The following SLC15A4 variants were observed in gnomAD, a reference collection of about 807,000 sequenced individuals.
The protein encoded by SLC15A4 is hPHT1.
In SLC15A4, 26 loss-of-function variants were observed where a neutral mutation model predicts 46.1. That is an observed-to-expected ratio of 0.56 (90% CI 0.41 to 0.78). The LOEUF (loss-of-function observed/expected upper bound fraction) is 0.78. Ranked by LOEUF, SLC15A4 falls within the 30% of genes least tolerant of loss-of-function variation. The probability of loss-of-function intolerance (pLI) is 0.00; values close to 1 mark genes in which losing one functional copy is unlikely to be tolerated. For missense variants in SLC15A4, 751 were observed against 755.7 expected (o/e 0.99, Z 0.07); for synonymous variants, 370 against 333.4 (o/e 1.11, Z -1.20).
intron 1 of SLC15A4, among the ~76,000 whole-genome samples, chr12:128,816,915 A>G (rs531364325): frequency 6.6e-6 from 1 of 152,362 alleles, no homozygotes; most frequent in Non-Finnish European, 1.5e-5. Context: ...CTATTTTTTA[A>G]AGATTAAATC....
intron 7 of SLC15A4, among the ~76,000 whole-genome samples, chr12:128,798,393 G>C (rs1360358486): frequency 1.3e-5 from 2 of 152,168 alleles, no homozygotes; most frequent in African/African-American, 4.8e-5. Flanking sequence ...AGTGTCCATG[G>C]GACATTGGTG....
In SLC15A4 at chr12:128,800,704, T is replaced by C. The variant is rs572817721; in HGVS notation, c.1414+150A>G. 243 of 705,808 alleles carry C rather than the reference T, an allele frequency of 3.4e-4. No homozygotes were observed. In the African/African-American group the frequency reaches 4.0e-3, roughly 12 times the overall value. The allele number at this position is 705,808 out of a possible 1,614,324, so 43.7% of individuals were successfully genotyped here. On this transcript the variant is annotated intron_variant, in intron 6 of 7. Transcript: ENST00000266771. ...GAACCTCAGCACTGGTGTGTTTACC[T>C]AGCGATTCATATTCTAAACCACACA...
chr12:128,799,462 T>G, intron 6 of SLC15A4, 45 bp from the exon 7 acceptor site: 1 of 1,606,296 alleles, frequency 6.2e-7, no homozygotes, highest in Non-Finnish European at 8.5e-7. Flanking sequence ...AGGGGCACTT[T>G]AACACATGGG....
intron 6 of SLC15A4, 74 bp downstream of exon 6, chr12:128,800,780 A>G: frequency 6.8e-7 from 1 of 1,469,050 alleles, no homozygotes; most frequent in South Asian, 1.3e-5. Context: ...ACATATTCCA[A>G]CAGCACAGTC....
intron 1 of SLC15A4, among the ~76,000 whole-genome samples, chr12:128,817,843 T>C (rs937410016): frequency 4.6e-5 from 7 of 152,152 alleles, no homozygotes; most frequent in Non-Finnish European, 8.8e-5. Context: ...ATCACATGCT[T>C]CCCAGCCCCT....
intron 6 of SLC15A4, 72 bp from the exon 7 acceptor site, chr12:128,799,489 A>C (rs146215826): frequency 6.5e-7 from 1 of 1,543,754 alleles, no homozygotes; most frequent in Non-Finnish European, 8.9e-7. Context: ...GCTTTCACCT[A>C]ATATAGCAGA....
At chr12:128,817,899 T>C (rs7304426) in intron 1 of SLC15A4, among the ~76,000 whole-genome samples, 150,968 of 152,300 alleles carry the variant, frequency 0.99, 74,838 homozygotes, top group East Asian at 1. Flanking sequence ...ATGACATCAC[T>C]GTGTGAGCTG....
At chr12:128,821,441 T>C (rs1355272376) in intron 1 of SLC15A4, among the ~76,000 whole-genome samples, 1 of 152,268 alleles carries the variant, frequency 6.6e-6, no homozygotes, top group Non-Finnish European at 1.5e-5. Flanking sequence ...TACTCAATTC[T>C]GCCACTGCTT....
intron 2 of SLC15A4, among the ~76,000 whole-genome samples, chr12:128,812,083 C>A (rs57591256): frequency 6.6e-6 from 1 of 152,162 alleles, no homozygotes; most frequent in African/African-American, 2.4e-5. Context: ...CTGGTTCTCA[C>A]GGATTCCCAA....
intron 1 of SLC15A4, 177 bp from the exon 2 acceptor site, chr12:128,815,247 C>T (rs1367435687): frequency 3.3e-6 from 2 of 602,742 alleles, no homozygotes; most frequent in Non-Finnish European, 5.8e-6. Flanking sequence ...ACACCCCACG[C>T]TTTTAATTAC....
chr12:128,814,198 T>TGATGGACCTGACCACCGTAC (rs1955707412), intron 2 of SLC15A4: 1 of 188,392 alleles, frequency 5.3e-6, no homozygotes, highest in Non-Finnish European at 1.1e-5. Context: ...GACCGCCGTA[T>TGATGGACCTGACCACCGTAC]GATGGACCTG....
chr12:128,814,800 G>A lies in SLC15A4; in HGVS notation c.817C>T (p.Arg273Ter). The change falls in exon 2 of 8, where the codon CGA becomes TGA. Residue 273 changes from arginine to a stop codon, truncating the protein, a stop_gained. Transcript: ENST00000266771. LOFTEE classifies it high-confidence loss of function. The part of the protein sequence containing the change: ...ILTYSCCSQK[R>*]SGERQSNGEG... ...CCATTACTCTGGCGCTCTCCACTTC[G>A]CTTCTGGGAACAGCAGGAATACGTC... is the stretch of plus-strand genomic sequence containing the variant. 2 of 1,614,108 alleles carry A rather than the reference G, an allele frequency of 1.2e-6. No homozygotes were observed. Among genetic ancestry groups the A allele is most frequent in the East Asian group, 2.2e-5 (1 of 44,882 alleles).
At chr12:128,795,118 A>G (rs991665402) in intron 7 of SLC15A4, among the ~76,000 whole-genome samples, 14 of 152,134 alleles carry the variant, frequency 9.2e-5, no homozygotes, top group Non-Finnish European at 1.9e-4. Flanking sequence ...TGCACTTTTT[A>G]GCATCACAGA....
At chr12:128,800,558 G>A (rs1047409246) in intron 6 of SLC15A4, among the ~76,000 whole-genome samples, 1 of 152,206 alleles carries the variant, frequency 6.6e-6, no homozygotes, top group African/African-American at 2.4e-5. Context: ...ATGGCCGAGG[G>A]CTCCGCTGGG....
intron 1 of SLC15A4, chr12:128,815,397 C>CA (rs539610045): frequency 4.3e-4 from 119 of 274,896 alleles, no homozygotes; most frequent in African/African-American, 2.0e-3. Flanking sequence ...TCTTTAAAAA[C>CA]AGAGTCCGCT....
intron 2 of SLC15A4, chr12:128,814,235 G>GTATGATGGACCTGACCGCCA (rs1955710412): frequency 3.2e-5 from 3 of 95,018 alleles, no homozygotes; most frequent in South Asian, 1.2e-4. Context: ...CCTGACCGCC[G>GTATGATGGACCTGACCGCCA]TATGATGGAC....
chr12:128,794,954 C>G (rs546260997), intron 7 of SLC15A4, among the ~76,000 whole-genome samples: 9 of 152,220 alleles, frequency 5.9e-5, no homozygotes, highest in Non-Finnish European at 1.2e-4. Flanking sequence ...TTCCTCTCCT[C>G]AACTACTTCA....
At chr12:128,794,485 C>A (rs1270433607) in intron 7 of SLC15A4, 129 bp from the exon 8 acceptor site, 1 of 908,310 alleles carries the variant, frequency 1.1e-6, no homozygotes, top group African/African-American at 1.7e-5. Context: ...AATGTTGTCT[C>A]TGTAGTCCAA....
intron 2 of SLC15A4, chr12:128,813,886 T>C (rs1328491826): frequency 2.0e-5 from 3 of 152,190 alleles, no homozygotes; most frequent in Admixed American, 2.0e-4. Flanking sequence ...ACTGTACAGA[T>C]ATAAGGGGTA....
Sources: gnomAD v4.1 joint callset for allele counts (sites outside exome capture counted in the v4.1 genomes callset) on GRCh38, gnomAD v4.1.1 for gene constraint, MANE v1.5 for transcripts, NCBI Gene and HGNC (gene_info 2026-07-23, HGNC 2026-07-21) for gene names.